The following FAF1 variants were observed in gnomAD, a reference collection of about 807,000 sequenced individuals.
FAF1 encodes the protein FAS-associated factor 1.
A neutral mutation model predicts 92.5 loss-of-function variants in FAF1; 25 were observed. That is an observed-to-expected ratio of 0.27 (90% CI 0.20 to 0.38). The LOEUF (loss-of-function observed/expected upper bound fraction) is 0.38. FAF1 is among the 10% of genes least tolerant of loss of function. The pLI is 1.00. For missense variants in FAF1, 636 were observed against 793.3 expected (o/e 0.80, Z 2.38); for synonymous variants, 234 against 273.2 (o/e 0.86, Z 1.42).
intron 7 of FAF1, among the ~76,000 whole-genome samples, chr1:50,655,915 T>C (rs1655087201): frequency 6.6e-6 from 1 of 152,166 alleles, no homozygotes; most frequent in Non-Finnish European, 1.5e-5. Context: ...TATTTCAAGT[T>C]TCTATGTGGA....
intron 4 of FAF1, among the ~76,000 whole-genome samples, chr1:50,787,797 C>CA (rs977435234): frequency 2.0e-5 from 3 of 151,586 alleles, no homozygotes; most frequent in Admixed American, 6.6e-5. Flanking sequence ...TTGCATGGAA[C>CA]AAAAAAAATT....
intron 1 of FAF1, among the ~76,000 whole-genome samples, chr1:50,934,562 A>G (rs910587001): frequency 1.3e-5 from 2 of 152,150 alleles, no homozygotes; most frequent in African/African-American, 4.8e-5. Flanking sequence ...GTCTCTACAA[A>G]AAAATTAAAA....
chr1:50,658,453 T>C lies in FAF1; in HGVS notation c.658-2925A>G, dbSNP rs373998567. On this transcript the variant is annotated intron_variant, in intron 7 of 18. Coordinates refer to ENST00000396153, the MANE Select transcript of FAF1 (RefSeq NM_007051.3). ...AATTCCAAAATACAACAATAAAGTA[T>C]TATGAAATAAACAGTATTTTCTTTT... Among the ~76,000 whole-genome samples, 28 of 152,332 alleles carry C rather than the reference T, an allele frequency of 1.8e-4. No homozygotes were observed. In the South Asian group the frequency reaches 4.6e-3, roughly 25 times the overall value.
intron 1 of FAF1, 74 bp downstream of exon 1, chr1:50,959,693 G>A: frequency 2.2e-6 from 3 of 1,341,644 alleles, no homozygotes; most frequent in Non-Finnish European, 2.1e-6. Flanking sequence ...TCAAACGCTG[G>A]GAAGAAGACT....
intron 4 of FAF1, among the ~76,000 whole-genome samples, chr1:50,758,738 T>G (rs866035879): frequency 2.7e-4 from 41 of 152,256 alleles, no homozygotes; most frequent in African/African-American, 9.9e-4. Context: ...TGAAAGATTA[T>G]TTTGTTCAAT....
At chr1:50,860,307 G>T (rs74550555) in intron 1 of FAF1, among the ~76,000 whole-genome samples, 1 of 151,198 alleles carries the variant, frequency 6.6e-6, no homozygotes, top group African/African-American at 2.4e-5. Flanking sequence ...CTATCAACAG[G>T]GTAAACATAC....
chr1:50,795,822 T>C (rs1047816471), intron 3 of FAF1, among the ~76,000 whole-genome samples: 28 of 152,238 alleles, frequency 1.8e-4, no homozygotes, highest in South Asian at 1.7e-3. Context: ...GTACTCCTCA[T>C]GGCACTGAAT....
At chr1:50,655,023 T>G (rs974670173) in intron 8 of FAF1, among the ~76,000 whole-genome samples, 1 of 150,098 alleles carries the variant, frequency 6.7e-6, no homozygotes, top group African/African-American at 2.5e-5. Flanking sequence ...CAGGCTGGAG[T>G]GCAATGGCGC....
intron 8 of FAF1, among the ~76,000 whole-genome samples, chr1:50,613,653 A>C (rs980319663): frequency 1.3e-5 from 2 of 152,244 alleles, no homozygotes; most frequent in African/African-American, 4.8e-5. Context: ...TCACATAAGA[A>C]TAATACACAA....
At chr1:50,743,631 A>G (rs1325833348) in intron 5 of FAF1, among the ~76,000 whole-genome samples, 1 of 152,134 alleles carries the variant, frequency 6.6e-6, no homozygotes, top group Non-Finnish European at 1.5e-5. Flanking sequence ...CCCAGCCAAA[A>G]GTTGAAAATT....
intron 17 of FAF1, among the ~76,000 whole-genome samples, chr1:50,481,993 T>C (rs1176201612): frequency 2.0e-5 from 3 of 152,272 alleles, no homozygotes; most frequent in East Asian, 3.9e-4. Flanking sequence ...AATAATTATT[T>C]TCCTATTTTA....
rs867454101 is a variant in FAF1 at position 50,653,658 on chromosome 1, G to T, written c.744+1784C>A. Among the ~76,000 whole-genome samples, 66 of 152,232 alleles carry T rather than the reference G, an allele frequency of 4.3e-4. 1 individual carries two copies. Among genetic ancestry groups the T allele is most frequent in the South Asian group, 1.4e-3 (7 of 4,828 alleles). ...AGGCAGGCTGGTCACCTTAGGTCAG[G>T]AGTTCAAGACCAGCCTGGCCTACTT... On this transcript the variant is annotated intron_variant, in intron 8 of 18. Transcript: ENST00000396153.
At chr1:50,738,741 T>C in intron 6 of FAF1, 122 bp downstream of exon 6, 2 of 647,034 alleles carry the variant, frequency 3.1e-6, no homozygotes, top group East Asian at 2.8e-5. Flanking sequence ...TTCATAGTAG[T>C]TGGTAAGGTC....
intron 6 of FAF1, among the ~76,000 whole-genome samples, chr1:50,707,587 G>A (rs1045162707): frequency 9.9e-5 from 15 of 151,776 alleles, no homozygotes; most frequent in African/African-American, 2.7e-4. Context: ...CCAGCTACTC[G>A]GGAGGCTGAG....
chr1:50,617,756 G>C (rs1003862175), intron 8 of FAF1, among the ~76,000 whole-genome samples: 87 of 148,830 alleles, frequency 5.8e-4, no homozygotes, highest in African/African-American at 2.0e-3. Context: ...TTAGGTGTCT[G>C]GCAGAATTCA....
intron 4 of FAF1, among the ~76,000 whole-genome samples, chr1:50,786,964 A>G (rs1661386973): frequency 6.6e-6 from 1 of 152,234 alleles, no homozygotes; most frequent in South Asian, 2.1e-4. Flanking sequence ...CCAAGACTCA[A>G]TTAATGAAAT....
intron 15 of FAF1, among the ~76,000 whole-genome samples, chr1:50,519,074 G>A (rs1647350447): frequency 6.6e-6 from 1 of 152,040 alleles, no homozygotes; most frequent in Admixed American, 6.6e-5. Flanking sequence ...GCTCACGCCT[G>A]CAATTCTAGC....
intron 1 of FAF1, among the ~76,000 whole-genome samples, chr1:50,941,357 C>T (rs1341254202): frequency 2.0e-5 from 3 of 151,996 alleles, no homozygotes; most frequent in African/African-American, 7.3e-5. Context: ...CTACAGGTGC[C>T]AGCCACCACG....
intron 8 of FAF1, among the ~76,000 whole-genome samples, chr1:50,597,219 A>G (rs1651863671): frequency 6.6e-6 from 1 of 152,210 alleles, no homozygotes; most frequent in Non-Finnish European, 1.5e-5. Context: ...TGTCCAGCGA[A>G]AAGGATGGAC....
Sources: allele counts gnomAD v4.1 joint callset (sites outside exome capture counted in the v4.1 genomes callset), GRCh38; gene constraint gnomAD v4.1.1; transcripts MANE v1.5; gene names NCBI Gene and HGNC (gene_info 2026-07-23, HGNC 2026-07-21).